Variants in LIMS1 observed in about 807,000 individuals in gnomAD.
The protein encoded by LIMS1 is LIM zinc finger domain containing 1.
A neutral mutation model predicts 44.1 loss-of-function variants in LIMS1; 18 were observed. The ratio of observed to expected loss-of-function variants is 0.41; its 90% confidence interval spans 0.28 to 0.61. The LOEUF (loss-of-function observed/expected upper bound fraction) is 0.61. Ranked by LOEUF, LIMS1 falls within the 20% of genes least tolerant of loss-of-function variation. LIMS1 has a pLI of 0.32. For synonymous variants in LIMS1, 93 were observed against 149.1 expected (o/e 0.62, Z 2.74); for missense variants, 201 against 422.0 (o/e 0.48, Z 4.59).
intron 1 of LIMS1, among the ~76,000 whole-genome samples, chr2:108,578,387 T>C (rs964287305): frequency 1.3e-5 from 2 of 152,216 alleles, no homozygotes; most frequent in African/African-American, 2.4e-5. Context: ...ATACTCTCTT[T>C]AAATGCAAGC....
intron 1 of LIMS1, among the ~76,000 whole-genome samples, chr2:108,565,556 C>G (rs1573337614): frequency 6.6e-6 from 1 of 152,226 alleles, no homozygotes; most frequent in East Asian, 1.9e-4. Flanking sequence ...TTAAACCATT[C>G]TTTGGAAATG....
intron 2 of LIMS1, among the ~76,000 whole-genome samples, chr2:108,661,109 G>A (rs1467963178): frequency 1.5e-5 from 2 of 137,420 alleles, no homozygotes; most frequent in African/African-American, 5.6e-5. Context: ...TCCCAGGCCA[G>A]CCCACAGAAA....
intron 1 of LIMS1, among the ~76,000 whole-genome samples, chr2:108,648,013 G>A (rs980815570): frequency 2.0e-5 from 3 of 152,194 alleles, no homozygotes; most frequent in Non-Finnish European, 4.4e-5. Context: ...TAGGAAAAGA[G>A]CAAGTCAAAT....
In LIMS1 at chr2:108,597,053, C is replaced by T. The variant is rs868368650; in HGVS notation, c.32+62459C>T. Among the ~76,000 whole-genome samples the T allele has an allele frequency of 1.3e-4, 19 of 149,732 alleles. 1 individual carries two copies. The highest frequency in any genetic ancestry group is 1.0e-3 in the East Asian group (5 of 4,910). On this transcript the variant is annotated intron_variant, in intron 1 of 9. Transcript: ENST00000544547. ...CCTCCCGAGAAGCTGGGATTACAGGCACGTACCACCACACCCAGCTGATTT... is the reference window on the plus strand; with the variant it reads ...CCTCCCGAGAAGCTGGGATTACAGGTACGTACCACCACACCCAGCTGATTT...
At chr2:108,563,006 G>T (rs1685176236) in intron 1 of LIMS1, among the ~76,000 whole-genome samples, 1 of 152,172 alleles carries the variant, frequency 6.6e-6, no homozygotes. Flanking sequence ...AATCTACTCT[G>T]CCTCTGCTCT....
chr2:108,537,673 T>C (rs1558778024), intron 1 of LIMS1, among the ~76,000 whole-genome samples: 2 of 152,194 alleles, frequency 1.3e-5, no homozygotes, highest in South Asian at 4.1e-4. Context: ...GTGGTTCCGG[T>C]TTTTGCAGGC....
chr2:108,542,536 C>T (rs1032532110), intron 1 of LIMS1, among the ~76,000 whole-genome samples: 12 of 152,158 alleles, frequency 7.9e-5, no homozygotes, highest in Admixed American at 6.6e-4. Context: ...CACTTCATGG[C>T]ACTGGTCAAG....
At chr2:108,640,516 C>T (rs960510592) in intron 1 of LIMS1, among the ~76,000 whole-genome samples, 2 of 152,166 alleles carry the variant, frequency 1.3e-5, no homozygotes, top group African/African-American at 2.4e-5. Flanking sequence ...TGAGGTTGAG[C>T]GTGGGGCCAT....
intron 8 of LIMS1, among the ~76,000 whole-genome samples, chr2:108,679,508 A>G (rs1692803341): frequency 6.6e-6 from 1 of 152,082 alleles, no homozygotes; most frequent in African/African-American, 2.4e-5. Context: ...TGTATACAAG[A>G]CAATGTACAT....
chr2:108,636,311 C>T (rs1214705115), intron 1 of LIMS1, among the ~76,000 whole-genome samples: 4 of 152,220 alleles, frequency 2.6e-5, no homozygotes, highest in African/African-American at 9.6e-5. Context: ...AGCTGACTGC[C>T]AAGGGATGGG....
In LIMS1 at chr2:108,610,057, G is replaced by A. The variant is rs532369788; in HGVS notation, c.33-49548G>A. On this transcript the variant is annotated intron_variant, in intron 1 of 9. Coordinates refer to ENST00000544547, the Ensembl canonical transcript of LIMS1. ...ACTTGGGAGGCTGAGGCAGGAGAAT[G>A]GCGTGAACCTGGGAGGTGGAGCTTG... Among the ~76,000 whole-genome samples, 20 of 152,098 alleles carry A rather than the reference G, an allele frequency of 1.3e-4. No individual in the cohort carries two copies. In the South Asian group the frequency reaches 2.9e-3, roughly 22 times the overall value.
chr2:108,547,738 T>C (rs1684533563), intron 1 of LIMS1, among the ~76,000 whole-genome samples: 1 of 152,198 alleles, frequency 6.6e-6, no homozygotes, highest in African/African-American at 2.4e-5. Context: ...GAGGAAATGG[T>C]GCCCAAAATA....
chr2:108,610,612 A>G (rs781226834), intron 1 of LIMS1, among the ~76,000 whole-genome samples: 3 of 152,208 alleles, frequency 2.0e-5, no homozygotes, highest in Non-Finnish European at 2.9e-5. Context: ...ATAATTCTTT[A>G]TCACCATCCA....
At chr2:108,666,790 A>G (rs1225508981) in intron 2 of LIMS1, among the ~76,000 whole-genome samples, 2 of 150,034 alleles carry the variant, frequency 1.3e-5, no homozygotes, top group Non-Finnish European at 3.0e-5. Context: ...ACCGTTTCTG[A>G]AAAAAAAAAT....
chr2:108,611,483 G>T (rs1335558068), intron 1 of LIMS1, among the ~76,000 whole-genome samples: 1 of 151,906 alleles, frequency 6.6e-6, no homozygotes, highest in Admixed American at 6.6e-5. Flanking sequence ...ACTTGCTTTG[G>T]TTCTATATAG....
At chr2:108,673,427 G>A (rs972091415) in intron 5 of LIMS1, 3 of 272,720 alleles carry the variant, frequency 1.1e-5, no homozygotes, top group African/African-American at 4.7e-5. Flanking sequence ...TCGCTCTATT[G>A]CCCAGGCTGA....
intron 1 of LIMS1, among the ~76,000 whole-genome samples, chr2:108,592,627 C>T (rs1167902051): frequency 2.0e-5 from 3 of 152,172 alleles, no homozygotes; most frequent in African/African-American, 7.2e-5. Context: ...TTAACAGTTT[C>T]AGACCATAAG....
chr2:108,564,885 G>A (rs949428939), intron 1 of LIMS1, among the ~76,000 whole-genome samples: 2 of 151,960 alleles, frequency 1.3e-5, no homozygotes, highest in African/African-American at 2.4e-5. Flanking sequence ...TATTATAAAC[G>A]TCCAAAATAA....
chr2:108,553,063 A>G (rs961523705), intron 1 of LIMS1, among the ~76,000 whole-genome samples: 1 of 152,240 alleles, frequency 6.6e-6, no homozygotes, highest in Non-Finnish European at 1.5e-5. Flanking sequence ...CACTGTGGAC[A>G]GTGATGGGAT....
Sources: allele counts gnomAD v4.1 joint callset (sites outside exome capture counted in the v4.1 genomes callset), GRCh38; gene constraint gnomAD v4.1.1; transcripts MANE v1.5; gene names NCBI Gene and HGNC (gene_info 2026-07-23, HGNC 2026-07-21).